The following JAK1 variants were observed in gnomAD, a reference collection of about 807,000 sequenced individuals.
The protein encoded by JAK1 is tyrosine-protein kinase JAK1.
Under a neutral mutation model 136.6 loss-of-function variants are expected in JAK1, and 16 were observed. The observed-to-expected ratio is 0.12, with a 90% CI of 0.08 to 0.18. JAK1 has a LOEUF of 0.18. Among genes scored for constraint, JAK1 ranks in the 10% least tolerant of loss-of-function variants. The probability of loss-of-function intolerance (pLI) is 1.00; values close to 1 mark genes in which losing one functional copy is unlikely to be tolerated. For synonymous variants in JAK1, 492 were observed against 519.5 expected (o/e 0.95, Z 0.72); for missense variants, 859 against 1,450.1 (o/e 0.59, Z 6.62).
chr1:64,843,064 C>G (rs1318234770), intron 17 of JAK1, among the ~76,000 whole-genome samples: 1 of 152,160 alleles, frequency 6.6e-6, no homozygotes, highest in Non-Finnish European at 1.5e-5. Context: ...CAAGCCCCTC[C>G]CTCCTCCACC....
Position 64,994,974 on chromosome 1 carries a change from A to AAAACAAAAAAAAC in JAK1, c.-78+49505_-78+49506insGTTTTTTTTGTTT, listed in dbSNP as rs1557749005. ...TAATTCCTAAACTGCAAAAAAAAAA[A>AAAACAAAAAAAAC]AAAAAAACCTACCCAGAATCCAGCA... On this transcript the variant is annotated intron_variant, in intron 2 of 25. Coordinates refer to the JAK1 transcript ENST00000671954. 29 of 151,638 alleles carry AAAACAAAAAAAAC rather than the reference A, an allele frequency of 1.9e-4. 5 individuals carry two copies. Among genetic ancestry groups the AAAACAAAAAAAAC allele is most frequent in the Admixed American group, 3.3e-4 (5 of 15,266 alleles). 9.4% of individuals were successfully genotyped at this position (151,638 alleles called of 1,614,324 possible). A position where few individuals can be genotyped will look rare whatever the true frequency, so the allele number is the denominator to read the frequency against.
intron 1 of JAK1, among the ~76,000 whole-genome samples, chr1:64,940,056 G>C (rs1252810911): frequency 6.6e-6 from 1 of 151,998 alleles, no homozygotes; most frequent in Non-Finnish European, 1.5e-5. Context: ...TAAAATACAA[G>C]TAACTAGATG....
At chr1:65,024,527 T>C in intron 2 of JAK1, among the ~76,000 whole-genome samples, 1 of 152,178 alleles carries the variant, frequency 6.6e-6, no homozygotes, top group African/African-American at 2.4e-5. Flanking sequence ...TTGTAACAGG[T>C]AAGCCTCTTG....
chr1:64,946,454 T>G (rs17127169), intron 1 of JAK1, among the ~76,000 whole-genome samples: 12,488 of 152,296 alleles, frequency 0.082, 637 homozygotes, highest in South Asian at 0.11. Context: ...CTGCTAAAAC[T>G]TGCAAAGGTA....
chr1:64,852,160 C>T (rs953402891), intron 11 of JAK1, among the ~76,000 whole-genome samples: 4 of 152,250 alleles, frequency 2.6e-5, no homozygotes, highest in Non-Finnish European at 4.4e-5. Context: ...GTTCTATGAG[C>T]ATTATACACA....
In JAK1 at chr1:64,841,319, T is replaced by C; in HGVS notation, c.2575A>G (p.Lys859Glu). The change falls in exon 19 of 25, where the codon AAA (lysine) becomes GAA (glutamate). Residue 859 changes from lysine to glutamate, a missense_variant. By Grantham distance (56) the Lys-to-Glu change is moderately conservative (BLOSUM62 1). This residue lies in a region of JAK1 where 409 missense variants were observed against 753.8 expected (regional missense o/e 0.54). Coordinates refer to ENST00000342505, the MANE Select transcript of JAK1 (RefSeq NM_002227.4). ...EEQNPDIVSEKKPATEVDPTH... is the reference protein window; with the variant it reads ...EEQNPDIVSEEKPATEVDPTH... ...GGGTCCACTTCAGTTGCTGGTTTTT[T>C]TTCTGAAACAATATCTGGATCTAAC... 6.2e-7 allele frequency: 1 copy of C among 1,614,170 alleles called. No individual in the cohort carries two copies. Among genetic ancestry groups the C allele is most frequent in the Non-Finnish European group, 8.5e-7 (1 of 1,180,008 alleles).
intron 2 of JAK1, among the ~76,000 whole-genome samples, chr1:65,018,976 C>A (rs947644329): frequency 6.6e-6 from 1 of 151,826 alleles, no homozygotes; most frequent in Non-Finnish European, 1.5e-5. Context: ...GCGCCACTGC[C>A]CTCCATCGTG....
At chr1:64,946,540 T>C (rs1645990480) in intron 1 of JAK1, among the ~76,000 whole-genome samples, 1 of 152,242 alleles carries the variant, frequency 6.6e-6, no homozygotes, top group Non-Finnish European at 1.5e-5. Flanking sequence ...ACTTCCACAG[T>C]GTTCTCTAAT....
At chr1:65,031,331 A>G (rs531432667) in intron 2 of JAK1, among the ~76,000 whole-genome samples, 60 of 152,306 alleles carry the variant, frequency 3.9e-4, no homozygotes, top group South Asian at 2.1e-4. Flanking sequence ...TTTCTGCTCA[A>G]AATATACAAC....
chr1:64,850,717 A>G (rs1655531609), intron 12 of JAK1, 87 bp downstream of exon 12: 4 of 860,196 alleles, frequency 4.7e-6, no homozygotes, highest in Non-Finnish European at 5.8e-6. Flanking sequence ...TTCCCCAAAC[A>G]CAGCCTTCCT....
chr1:65,038,725 G>A (rs1035429565), intron 2 of JAK1, among the ~76,000 whole-genome samples: 4 of 151,894 alleles, frequency 2.6e-5, no homozygotes, highest in African/African-American at 7.3e-5. Context: ...TGCAACCTCC[G>A]CCTCCCAGGT....
chr1:64,929,905 G>T (rs536910841), intron 1 of JAK1, among the ~76,000 whole-genome samples: 1 of 152,046 alleles, frequency 6.6e-6, no homozygotes. Context: ...GATCTTTGAC[G>T]AATCTGACCT....
At chr1:65,042,396 C>T (rs1647142207) in intron 2 of JAK1, among the ~76,000 whole-genome samples, 1 of 146,324 alleles carries the variant, frequency 6.8e-6, no homozygotes. Context: ...AAAAACCAGG[C>T]ACTCTTATTT....
chr1:64,858,270 A>T (rs999986738), intron 9 of JAK1, among the ~76,000 whole-genome samples: 1 of 152,184 alleles, frequency 6.6e-6, no homozygotes, highest in Non-Finnish European at 1.5e-5. Context: ...CCTGTCTTAC[A>T]TTTCTTTGTA....
intron 1 of JAK1, among the ~76,000 whole-genome samples, chr1:64,957,744 A>G (rs190078622): frequency 2.0e-4 from 30 of 152,066 alleles, no homozygotes; most frequent in Admixed American, 1.8e-3. Context: ...GGAGATCGAG[A>G]CCATCCTGGC....
chr1:64,894,750 C>G (rs1644989205), intron 1 of JAK1, among the ~76,000 whole-genome samples: 1 of 152,016 alleles, frequency 6.6e-6, no homozygotes, highest in South Asian at 2.1e-4. Context: ...GCACTCTAGC[C>G]TAGGTGTCAG....
At chr1:64,889,736 A>C (rs1348891000) in intron 1 of JAK1, among the ~76,000 whole-genome samples, 1 of 152,230 alleles carries the variant, frequency 6.6e-6, no homozygotes, top group Non-Finnish European at 1.5e-5. Flanking sequence ...AACTCTCTTA[A>C]ATTTTCAAGG....
intron 2 of JAK1, among the ~76,000 whole-genome samples, chr1:64,983,687 C>T (rs80321080): frequency 0.045 from 6,806 of 152,226 alleles, 356 homozygotes; most frequent in East Asian, 0.27. Context: ...AAGGAACAGG[C>T]TTTCTAGAAA....
At chr1:65,010,258 C>T (rs1054170666) in intron 2 of JAK1, among the ~76,000 whole-genome samples, 1 of 152,148 alleles carries the variant, frequency 6.6e-6, no homozygotes, top group Admixed American at 6.5e-5. Context: ...ACATACAAGG[C>T]ACTGTGGCTT....
Sources: gnomAD v4.1 joint callset for allele counts (sites outside exome capture counted in the v4.1 genomes callset) on GRCh38, gnomAD v4.1.1 for gene constraint, gnomAD v4.1.1 regional missense constraint, MANE v1.5 for transcripts, NCBI Gene and HGNC (gene_info 2026-07-23, HGNC 2026-07-21) for gene names.